Variants in RYR2 observed in about 807,000 individuals in gnomAD.
RYR2 encodes the protein ryanodine receptor 2.
A neutral mutation model predicts 601.1 loss-of-function variants in RYR2; 227 were observed. That is an observed-to-expected ratio of 0.38 (90% CI 0.34 to 0.42). The LOEUF (loss-of-function observed/expected upper bound fraction) is 0.42, where lower values mean the gene tolerates loss of function less well. RYR2 is among the 10% of genes least tolerant of loss of function. The probability of loss-of-function intolerance (pLI) is 1.00; values close to 1 mark genes in which losing one functional copy is unlikely to be tolerated. For synonymous variants in RYR2, 2,223 were observed against 2,175.1 expected, an observed-to-expected ratio of 1.02 and a Z score of -0.61; for missense variants, 4,646 against 6,156.5, an observed-to-expected ratio of 0.75 and a Z score of 8.21.
intron 1 of RYR2, among the ~76,000 whole-genome samples, chr1:237,247,866 A>G (rs1041299186): frequency 2.0e-5 from 3 of 152,202 alleles, no homozygotes; most frequent in African/African-American, 7.2e-5. Context: ...TAACACTGTA[A>G]TTGACAATAG....
At chr1:237,184,239 C>T (rs1241864963) in intron 1 of RYR2, among the ~76,000 whole-genome samples, 1 of 151,460 alleles carries the variant, frequency 6.6e-6, no homozygotes, top group African/African-American at 2.5e-5. Context: ...TGTTGGTTCC[C>T]AGGAGCAGAG....
chr1:237,588,832 CA>C (rs66518954), intron 29 of RYR2, among the ~76,000 whole-genome samples: 93,612 of 146,630 alleles, frequency 0.64, 31,404 homozygotes, highest in Non-Finnish European at 0.74. Context: ...GACTCCGTCT[CA>C]AAAAAAAAAA....
At chr1:237,215,025 C>T (rs1016548136) in intron 1 of RYR2, among the ~76,000 whole-genome samples, 6 of 152,070 alleles carry the variant, frequency 3.9e-5, no homozygotes, top group South Asian at 4.1e-4. Flanking sequence ...GAAGTCAACT[C>T]GGAGAAGGTG....
At chr1:237,175,451 C>T (rs957805411) in intron 1 of RYR2, among the ~76,000 whole-genome samples, 2 of 152,058 alleles carry the variant, frequency 1.3e-5, no homozygotes, top group Non-Finnish European at 2.9e-5. Flanking sequence ...GAGTTATGCC[C>T]ATTATCCATA....
At chr1:237,536,762 T>G (rs1668675000) in intron 25 of RYR2, among the ~76,000 whole-genome samples, 2 of 138,864 alleles carry the variant, frequency 1.4e-5, no homozygotes, top group African/African-American at 2.7e-5. Flanking sequence ...GGCAGGCGCC[T>G]GTAGTCCCAG....
At chr1:237,463,276 T>C (rs1190591750) in intron 16 of RYR2, among the ~76,000 whole-genome samples, 3 of 152,216 alleles carry the variant, frequency 2.0e-5, no homozygotes, top group Non-Finnish European at 4.4e-5. Context: ...ATTTCCTCTG[T>C]ACCTCCAGCA....
intron 12 of RYR2, among the ~76,000 whole-genome samples, chr1:237,439,519 C>T (rs1366613120): frequency 6.6e-6 from 1 of 151,904 alleles, no homozygotes; most frequent in South Asian, 2.1e-4. Context: ...TGGTGGGCGC[C>T]TGTCGTCCCA....
rs557293062 is a variant in RYR2, at chr1:237,422,262, G to A, written c.849-830G>A. Among the ~76,000 whole-genome samples, 159 of 152,136 alleles carry A rather than the reference G, an allele frequency of 1.0e-3. 1 individual carries two copies. Among genetic ancestry groups the A allele is most frequent in the African/African-American group, 3.6e-3 (148 of 41,504 alleles). On this transcript the variant is annotated intron_variant, in intron 11 of 104. Coordinates refer to ENST00000366574, the MANE Select transcript of RYR2 (RefSeq NM_001035.3). ...TATTTTTAATATACAAGTGATAATC[G>A]TACATACTTATGGGGTACATAGTGA... is the stretch of plus-strand genomic sequence containing the variant.
rs756336714 is a variant in RYR2 at position 237,180,189 on chromosome 1, C to T, written c.49-90308C>T. On this transcript the variant is annotated intron_variant, in intron 1 of 104. Coordinates refer to ENST00000366574, the MANE Select transcript of RYR2 (RefSeq NM_001035.3). The surrounding 1 kb of genome is among the most constrained non-coding windows in gnomAD (Gnocchi z 5.3). ...CCTGATGGGAAATGCTGCATTTGGT[C>T]CCCAGGTCAGGAAGGCGAGGCTCCT... is the stretch of plus-strand genomic sequence containing the variant. Among the ~76,000 whole-genome samples, 15 of 151,026 alleles carry T rather than the reference C, an allele frequency of 9.9e-5. No homozygotes were observed. The highest frequency in any genetic ancestry group is 4.1e-4 in the South Asian group (2 of 4,826).
intron 1 of RYR2, among the ~76,000 whole-genome samples, chr1:237,265,076 C>G (rs1688918870): frequency 6.6e-6 from 1 of 152,024 alleles, no homozygotes; most frequent in Non-Finnish European, 1.5e-5. Flanking sequence ...AGAGAAAATA[C>G]AATGTTATGG....
chr1:237,420,084 T>C (rs1261859011), intron 11 of RYR2, among the ~76,000 whole-genome samples: 6 of 152,190 alleles, frequency 3.9e-5, no homozygotes, highest in African/African-American at 1.4e-4. Context: ...ATTCATTATA[T>C]ATTTTATACT....
intron 16 of RYR2, among the ~76,000 whole-genome samples, chr1:237,462,174 T>C (rs1206407752): frequency 6.6e-6 from 1 of 152,188 alleles, no homozygotes; most frequent in East Asian, 1.9e-4. Flanking sequence ...TAAGCCTCCT[T>C]CCCGTTATTC....
At chr1:237,284,665 C>CATAT (rs201550202) in intron 2 of RYR2, among the ~76,000 whole-genome samples, 1 of 56,992 alleles carries the variant, frequency 1.8e-5, no homozygotes, top group Admixed American at 1.9e-4. Context: ...TATATTCCAC[C>CATAT]ATATATATAT....
intron 63 of RYR2, among the ~76,000 whole-genome samples, chr1:237,694,167 G>A (rs916922049): frequency 2.6e-5 from 4 of 151,774 alleles, no homozygotes; most frequent in Admixed American, 6.6e-5. Flanking sequence ...GGTGGCAGGC[G>A]CCTGTAGTCC....
intron 76 of RYR2, among the ~76,000 whole-genome samples, chr1:237,728,662 T>G (rs1690410764): frequency 6.6e-6 from 1 of 152,002 alleles, no homozygotes; most frequent in Admixed American, 6.6e-5. Context: ...GAAACCATCA[T>G]TCTCAGCAAA....
At chr1:237,624,236 A>C (rs760128491) in intron 39 of RYR2, among the ~76,000 whole-genome samples, 2 of 152,174 alleles carry the variant, frequency 1.3e-5, no homozygotes, top group African/African-American at 2.4e-5. Flanking sequence ...TACAAGATGA[A>C]TGAATTCTGG....
intron 3 of RYR2, among the ~76,000 whole-genome samples, chr1:237,350,602 A>ATATAT (rs1233607301): frequency 2.7e-5 from 1 of 37,004 alleles, no homozygotes; most frequent in Non-Finnish European, 5.0e-5. Flanking sequence ...AAAAAAAAAA[A>ATATAT]ATATATATAT....
chr1:237,652,741 GA>G (rs977065844), intron 51 of RYR2, among the ~76,000 whole-genome samples: 1 of 151,950 alleles, frequency 6.6e-6, no homozygotes, highest in African/African-American at 2.4e-5. Context: ...GAAAATTCGT[GA>G]AAAAAGATAC....
rs183606632 is a variant in RYR2 at position 237,640,930 on chromosome 1, C to T, written c.7149C>T (p.His2383=). The T allele has an allele frequency of 8.1e-6, 13 of 1,613,634 alleles. No individual in the cohort carries two copies. In the Admixed American group the frequency reaches 1.5e-4, roughly 19 times the overall value. ...DTEEEEDDTI[H]MGNAIMTFYS... is the part of the protein sequence containing the mutation. ...AGGAGGAGGAAGATGACACTATCCA[C>T]ATGGGGAACGCGATCATGACCTTCT... is the stretch of plus-strand genomic sequence containing the variant. The change falls in exon 47 of 105, where the codon CAC becomes CAT. Residue 2383 remains histidine (H), a synonymous_variant. Transcript: ENST00000366574.
Sources: allele counts gnomAD v4.1 joint callset (sites outside exome capture counted in the v4.1 genomes callset), GRCh38; gene constraint gnomAD v4.1.1; non-coding constraint Gnocchi (gnomAD v3.1); transcripts MANE v1.5; gene names NCBI Gene and HGNC (gene_info 2026-07-23, HGNC 2026-07-21).